Variants in TRDMT1 observed in about 807,000 individuals in gnomAD.
The protein encoded by TRDMT1 is tRNA (cytosine(38)-C(5))-methyltransferase.
TRDMT1 carries 49 observed loss-of-function variants against 51.2 expected under a neutral mutation model. That is an observed-to-expected ratio of 0.96 (90% confidence interval 0.76 to 1.21). TRDMT1 has a LOEUF of 1.21. TRDMT1 is among the 50% of genes most tolerant of loss of function. The pLI, the probability that TRDMT1 is intolerant of heterozygous loss-of-function variation, is 0.00. For synonymous variants in TRDMT1, 187 were observed against 164.6 expected (o/e 1.14, Z -1.04); for missense variants, 534 against 462.3 (o/e 1.16, Z -1.42).
At position 17,141,033 on chromosome 10, in the gene TRDMT1, T is replaced by G. The variant is rs1379129423; in HGVS notation, c.*8007A>C. On this transcript the variant is annotated 3_prime_UTR_variant, in exon 11 of 11. Coordinates refer to ENST00000377799, the MANE Select transcript of TRDMT1 (RefSeq NM_004412.7). ...GAGATCTCTTGAAGGATAGTTTGGC[T>G]AGATATAGAATTCATAGTTGACAAT... is the stretch of plus-strand genomic sequence containing the variant. 6.6e-6 allele frequency among the ~76,000 whole-genome samples: 1 copy of G among 152,248 alleles called. No individual in the cohort carries two copies.
Position 17,157,636 on chromosome 10 carries a change from T to G in TRDMT1, c.692A>C (p.Lys231Thr). The G allele has an allele frequency of 6.2e-7, 1 of 1,613,804 alleles. No homozygotes were observed. Among genetic ancestry groups the G allele is most frequent in the East Asian group, 2.2e-5 (1 of 44,842 alleles). The stretch of plus-strand genomic sequence containing the variant: ...GTGAATTTCTTCTGCAGTTTCAAGC[T>G]TAAAAAGAATGGCATCTTTTCCAGA... ...QCSGKDAILF[K>T]LETAEEIHRK... The change falls in exon 8 of 11, where the codon AAG becomes ACG. Residue 231 changes from lysine to threonine, a missense_variant. Physicochemically the swap from Lys to Thr is moderately conservative, Grantham distance 78. Coordinates refer to ENST00000377799, the MANE Select transcript of TRDMT1 (RefSeq NM_004412.7).
rs567741280 is a variant in TRDMT1 at position 17,141,534 on chromosome 10, T to C, written c.*7506A>G. Among the ~76,000 whole-genome samples the C allele has an allele frequency of 2.1e-3, 319 of 151,982 alleles. 2 individuals are homozygous for C. Among genetic ancestry groups the C allele is most frequent in the African/African-American group, 7.2e-3 (299 of 41,458 alleles). On this transcript the variant is annotated 3_prime_UTR_variant, in exon 11 of 11. Coordinates refer to ENST00000377799, the MANE Select transcript of TRDMT1 (RefSeq NM_004412.7). The stretch of plus-strand genomic sequence containing the variant: ...TTTAAATGCTCTTTCAGCTCCATTT[T>C]TTTCCCCTCTACTTCTGGCACCCCA...
intron 2 of TRDMT1, among the ~76,000 whole-genome samples, chr10:17,169,702 A>C (rs529759405): frequency 6.6e-6 from 1 of 152,344 alleles, no homozygotes; most frequent in South Asian, 2.1e-4. Flanking sequence ...GCACATGAAT[A>C]AAGCAGGAAA....
At chr10:17,167,343 A>G (rs11254420) in intron 3 of TRDMT1, among the ~76,000 whole-genome samples, 20,878 of 152,196 alleles carry the variant, frequency 0.14, 1,526 homozygotes, top group Admixed American at 0.17. Flanking sequence ...TAAAATGATT[A>G]ACAAATCTTG....
chr10:17,186,040 C>T (rs1423607662), intron 1 of TRDMT1, among the ~76,000 whole-genome samples: 1 of 124,074 alleles, frequency 8.1e-6, no homozygotes, highest in Non-Finnish European at 1.7e-5. Context: ...TACCCTAGAA[C>T]TTACAGTATA....
chr10:17,187,560 T>C (rs928209918), intron 1 of TRDMT1, among the ~76,000 whole-genome samples: 4 of 152,000 alleles, frequency 2.6e-5, no homozygotes, highest in African/African-American at 9.7e-5. Context: ...GTGAACAAAA[T>C]AGAACAAAAT....
intron 1 of TRDMT1, among the ~76,000 whole-genome samples, chr10:17,182,708 T>A (rs1843419559): frequency 6.6e-6 from 1 of 152,178 alleles, no homozygotes; most frequent in Non-Finnish European, 1.5e-5. Flanking sequence ...GAGAGAGAGC[T>A]ACTTATAAAC....
intron 3 of TRDMT1, among the ~76,000 whole-genome samples, chr10:17,165,978 C>A (rs1841149010): frequency 6.6e-6 from 1 of 152,096 alleles, no homozygotes; most frequent in Admixed American, 6.6e-5. Flanking sequence ...CCTCAGGGAT[C>A]TAGAACTAGA....
chr10:17,179,097 T>C (rs1207680189), intron 1 of TRDMT1, among the ~76,000 whole-genome samples: 2 of 152,122 alleles, frequency 1.3e-5, no homozygotes, highest in African/African-American at 4.8e-5. Flanking sequence ...ATAAAGATGT[T>C]ATGTCAGGTA....
At position 17,150,877 on chromosome 10, in the gene TRDMT1, T is replaced by G. The variant is rs1381607066; in HGVS notation, c.1076-1737A>C. ...ACTTCAAAGTAGCCAGAGGTACAAA[T>G]GTACCTACAAACAGGCTTTTAGACT... On this transcript the variant is annotated intron_variant, in intron 10 of 10. Coordinates refer to ENST00000377799, the MANE Select transcript of TRDMT1 (RefSeq NM_004412.7). 5.1e-6 allele frequency: 5 copies of G among 985,224 alleles called. No homozygotes were observed. The South Asian group carries it at 1.4e-4, about 28-fold the overall frequency. The allele number at this position is 985,224 out of a possible 1,614,324, so 61.0% of individuals were successfully genotyped here.
At chr10:17,164,924 T>C (rs1422855659) in intron 3 of TRDMT1, among the ~76,000 whole-genome samples, 2 of 152,120 alleles carry the variant, frequency 1.3e-5, no homozygotes, top group Non-Finnish European at 2.9e-5. Flanking sequence ...GAATCAATAT[T>C]GTGAAAATGG....
intron 1 of TRDMT1, among the ~76,000 whole-genome samples, chr10:17,177,133 G>A (rs1463444249): frequency 1.3e-5 from 2 of 149,072 alleles, no homozygotes; most frequent in African/African-American, 4.9e-5. Context: ...CAGGAAGCCT[G>A]GTTTAAAAAA....
Position 17,145,704 on chromosome 10 carries a change from C to G in TRDMT1, c.*3336G>C. On this transcript the variant is annotated 3_prime_UTR_variant, in exon 11 of 11. Transcript: ENST00000377799. The stretch of plus-strand genomic sequence containing the variant: ...TAAAATTTGGTCCTTATTGTGTTAT[C>G]TTGGCTTTTTTAGAAACCGCTTGTT... 1.0e-6 allele frequency: 1 copy of G among 985,428 alleles called. No individual in the cohort carries two copies. Among genetic ancestry groups the G allele is most frequent in the Non-Finnish European group, 1.2e-6 (1 of 829,914 alleles). The allele number at this position is 985,428 out of a possible 1,614,324, so 61.0% of individuals were successfully genotyped here.
chr10:17,153,220 C>G (rs1839007983), intron 10 of TRDMT1: 5 of 461,504 alleles, frequency 1.1e-5, no homozygotes, highest in Non-Finnish European at 1.9e-5. Flanking sequence ...ATGCTATGCA[C>G]AGCCATCTGT....
At chr10:17,151,145 C>A (rs930579073) in intron 10 of TRDMT1, 1 of 747,122 alleles carries the variant, frequency 1.3e-6, no homozygotes. Flanking sequence ...TAGGTTGGCA[C>A]AAAAGTAATT....
At chr10:17,178,617 A>G (rs1380956326) in intron 1 of TRDMT1, among the ~76,000 whole-genome samples, 4 of 150,780 alleles carry the variant, frequency 2.7e-5, no homozygotes, top group African/African-American at 7.3e-5. Flanking sequence ...CAGCGGGTAC[A>G]GTGAGCTGAG....
intron 1 of TRDMT1, among the ~76,000 whole-genome samples, chr10:17,195,948 T>G (rs1845359766): frequency 6.6e-6 from 1 of 152,002 alleles, no homozygotes; most frequent in Non-Finnish European, 1.5e-5. Context: ...GAAAAAAAAA[T>G]TAAGCGGTTC....
Position 17,169,480 on chromosome 10 carries a change from T to C in TRDMT1, c.175-563A>G, listed in dbSNP as rs924293186. The C allele has an allele frequency of 4.7e-6, 6 of 1,289,708 alleles. No individual in the cohort carries two copies. In the Admixed American group the frequency reaches 6.9e-5, roughly 15 times the overall value. 79.9% of individuals were successfully genotyped at this position (1,289,708 alleles called of 1,614,324 possible). On this transcript the variant is annotated intron_variant, in intron 2 of 10. Coordinates refer to ENST00000377799, the MANE Select transcript of TRDMT1 (RefSeq NM_004412.7). Reference sequence around the variant, plus strand: ...GAACTTCAAATGACTGTTGACAAGATGCATCAAAAGAATTCCTAATGGGCT... The same window carrying C: ...GAACTTCAAATGACTGTTGACAAGACGCATCAAAAGAATTCCTAATGGGCT...
At chr10:17,150,508 A>G in intron 10 of TRDMT1, 1 of 985,416 alleles carries the variant, frequency 1.0e-6, no homozygotes, top group Non-Finnish European at 1.2e-6. Context: ...GGCCTTGCAA[A>G]TATCAGCATA....
Sources: gnomAD v4.1 joint callset for allele counts (sites outside exome capture counted in the v4.1 genomes callset) on GRCh38, gnomAD v4.1.1 for gene constraint, MANE v1.5 for transcripts, NCBI Gene and HGNC (gene_info 2026-07-23, HGNC 2026-07-21) for gene names.